The following RAP1GDS1 variants were observed in gnomAD, a reference collection of about 807,000 sequenced individuals.
RAP1GDS1 encodes RAP1, GTP-GDP dissociation stimulator 1.
Under a neutral mutation model 71.1 loss-of-function variants are expected in RAP1GDS1, and 35 were observed. The ratio of observed to expected loss-of-function variants is 0.49; its 90% CI spans 0.38 to 0.65. RAP1GDS1 has a LOEUF of 0.65. Ranked by LOEUF, RAP1GDS1 falls within the 30% of genes least tolerant of loss-of-function variation. RAP1GDS1 has a pLI of 0.00. For synonymous variants in RAP1GDS1, 229 were observed against 243.1 expected (o/e 0.94, Z 0.54); for missense variants, 663 against 706.1 (o/e 0.94, Z 0.69).
At chr4:98,347,982 A>ATTC (rs1385646344) in intron 3 of RAP1GDS1, among the ~76,000 whole-genome samples, 24 of 152,092 alleles carry the variant, frequency 1.6e-4, no homozygotes, top group Admixed American at 1.4e-3. Context: ...TATTATTATT[A>ATTC]TTCTTTAAGT....
rs1751978868 is a variant in RAP1GDS1 at position 98,442,256 on chromosome 4, G to T, written c.*139G>T. ...AATACCAATTGAAGAACCGCTGTAG[G>T]TACCTCCCTAATAAGATTTCTAAAC... On this transcript the variant is annotated 3_prime_UTR_variant, in exon 15 of 15. Coordinates refer to ENST00000408927, the MANE Select transcript of RAP1GDS1 (RefSeq NM_001100427.2). 8.5e-7 allele frequency: 1 copy of T among 1,175,362 alleles called. No homozygotes were observed. Among genetic ancestry groups the T allele is most frequent in the South Asian group, 1.8e-5 (1 of 55,970 alleles). The allele number at this position is 1,175,362 out of a possible 1,614,324, so 72.8% of individuals were successfully genotyped here.
intron 7 of RAP1GDS1, among the ~76,000 whole-genome samples, chr4:98,415,382 C>T (rs1747795804): frequency 6.6e-6 from 1 of 152,186 alleles, no homozygotes; most frequent in African/African-American, 2.4e-5. Flanking sequence ...ACATTCTCAG[C>T]TTACAAAGAT....
intron 4 of RAP1GDS1, among the ~76,000 whole-genome samples, chr4:98,365,910 G>A (rs1232924025): frequency 1.3e-5 from 2 of 152,218 alleles, no homozygotes; most frequent in Admixed American, 1.3e-4. Context: ...ATGTCCATGA[G>A]CAGCCAAAAA....
intron 12 of RAP1GDS1, among the ~76,000 whole-genome samples, chr4:98,425,352 A>G (rs1283675973): frequency 6.6e-6 from 1 of 152,214 alleles, no homozygotes; most frequent in Non-Finnish European, 1.5e-5. Context: ...TATACAGGCA[A>G]CAGATAGCAT....
rs534840850 is a variant in RAP1GDS1 at position 98,353,744 on chromosome 4, A to G, written c.361+1143A>G. 2.0e-5 allele frequency among the ~76,000 whole-genome samples: 3 copies of G among 152,302 alleles called. No individual in the cohort carries two copies. The South Asian group carries it at 6.2e-4, about 32-fold the overall frequency. ...CCCAGTATAGCCTGTAAATCTGCTT[A>G]TCTGCTCCTTCAATCCAGTTCTTTT... On this transcript the variant is annotated intron_variant, in intron 4 of 14. Transcript: ENST00000408927.
In RAP1GDS1 at chr4:98,386,084, G is replaced by A. The variant is rs189898629; in HGVS notation, c.509-5868G>A. Among the ~76,000 whole-genome samples, 13 of 150,956 alleles carry A rather than the reference G, an allele frequency of 8.6e-5. No individual in the cohort carries two copies. The East Asian group carries it at 1.7e-3, about 20-fold the overall frequency. ...AAAAAAAAAGACATTTAACTTAAAAGACCAGTTTTTTTCTGAGATGAAAGC... is the reference window on the plus strand; with the variant it reads ...AAAAAAAAAGACATTTAACTTAAAAAACCAGTTTTTTTCTGAGATGAAAGC... On this transcript the variant is annotated intron_variant, in intron 5 of 14. Transcript: ENST00000408927.
chr4:98,394,040 G>A (rs1744145690), intron 6 of RAP1GDS1, among the ~76,000 whole-genome samples: 1 of 152,092 alleles, frequency 6.6e-6, no homozygotes, highest in South Asian at 2.1e-4. Context: ...AGTTTTAGGA[G>A]AGTACATAGA....
At chr4:98,283,417 A>T (rs1725473405) in intron 1 of RAP1GDS1, among the ~76,000 whole-genome samples, 1 of 146,470 alleles carries the variant, frequency 6.8e-6, no homozygotes. Flanking sequence ...ACAAAGCACC[A>T]TCAGTCAAAT....
chr4:98,287,418 GA>G (rs1055502672), intron 1 of RAP1GDS1, among the ~76,000 whole-genome samples: 36 of 152,178 alleles, frequency 2.4e-4, no homozygotes, highest in African/African-American at 7.9e-4. Context: ...TATATTTTAT[GA>G]AATCTTGTAA....
rs1332210123 is a variant in RAP1GDS1, at chr4:98,418,654, C to G, written c.1040-3C>G. 1 of 1,555,150 alleles carries G rather than the reference C, an allele frequency of 6.4e-7. No individual in the cohort carries two copies. The highest frequency in any genetic ancestry group is 1.2e-5 in the South Asian group (1 of 81,626). The stretch of plus-strand genomic sequence containing the variant: ...AGAAAAAGATGTGTGTTTTTTTTTT[C>G]AGATGCAAATTGTATTCATATGGTA... On this transcript the variant is annotated splice_polypyrimidine_tract_variant and splice_region_variant and intron_variant, in intron 9 of 14. Coordinates refer to ENST00000408927, the MANE Select transcript of RAP1GDS1 (RefSeq NM_001100427.2).
chr4:98,352,544 G>A lies in RAP1GDS1; in HGVS notation c.304G>A (p.Asp102Asn), dbSNP rs762407993. The change falls in exon 4 of 15, where the codon GAC (aspartate) becomes AAC (asparagine). Residue 102 changes from aspartate (D) to asparagine (N), a missense_variant. Physicochemically the swap from Asp to Asn is conservative, Grantham distance 23 (BLOSUM62 1). Coordinates refer to ENST00000408927, the MANE Select transcript of RAP1GDS1 (RefSeq NM_001100427.2). ...SPLVQLLNSKDQEVLLQTGRA... is the reference protein window; with the variant it reads ...SPLVQLLNSKNQEVLLQTGRA... ...ACTGGTGCAGCTGCTAAATAGCAAA[G>A]ACCAGGAAGTGCTGCTTCAAACGGG... is the stretch of plus-strand genomic sequence containing the variant. The A allele has an allele frequency of 6.2e-7, 1 of 1,614,086 alleles. No individual in the cohort carries two copies. The highest frequency in any genetic ancestry group is 8.5e-7 in the Non-Finnish European group (1 of 1,179,960).
At chr4:98,392,984 CTT>C (rs1410010077) in intron 6 of RAP1GDS1, among the ~76,000 whole-genome samples, 1 of 152,114 alleles carries the variant, frequency 6.6e-6, no homozygotes, top group Non-Finnish European at 1.5e-5. Flanking sequence ...TCATTTTTCT[CTT>C]TGTTATGGAT....
chr4:98,394,759 G>T (rs1744267547), intron 6 of RAP1GDS1, among the ~76,000 whole-genome samples: 1 of 152,090 alleles, frequency 6.6e-6, no homozygotes, highest in Non-Finnish European at 1.5e-5. Flanking sequence ...ACTTCAATAT[G>T]TAAATATTGG....
In RAP1GDS1 at chr4:98,418,145, CCTT is replaced by C. The variant is rs1484897844; in HGVS notation, c.1040-508_1040-506del. Among the ~76,000 whole-genome samples, 6 of 152,090 alleles carry C rather than the reference CCTT, an allele frequency of 3.9e-5. No individual in the cohort carries two copies. In the East Asian group the frequency reaches 5.8e-4, roughly 15 times the overall value. Reference sequence around the variant, plus strand: ...ATGGCTTACTTGCTCCATTTTTACTCCTTCTTTTTGGGAGTGACTTCCTAATTA... The same window carrying C: ...ATGGCTTACTTGCTCCATTTTTACTCCTTTTTGGGAGTGACTTCCTAATTA... On this transcript the variant is annotated intron_variant, in intron 9 of 14. Coordinates refer to ENST00000408927, the MANE Select transcript of RAP1GDS1 (RefSeq NM_001100427.2).
chr4:98,292,665 T>G (rs1262415679), intron 1 of RAP1GDS1, among the ~76,000 whole-genome samples: 1 of 152,184 alleles, frequency 6.6e-6, no homozygotes, highest in East Asian at 1.9e-4. Flanking sequence ...TGCAGTAGGT[T>G]TATAATTGTT....
intron 3 of RAP1GDS1, among the ~76,000 whole-genome samples, chr4:98,343,615 G>A (rs1354972308): frequency 6.6e-6 from 1 of 151,994 alleles, no homozygotes; most frequent in Non-Finnish European, 1.5e-5. Context: ...ATGTTTGTTT[G>A]TGTTATACCC....
At chr4:98,352,650 T>C in intron 4 of RAP1GDS1, 49 bp downstream of exon 4, 1 of 1,591,960 alleles carries the variant, frequency 6.3e-7, no homozygotes, top group Non-Finnish European at 8.6e-7. Flanking sequence ...AGAATTATGA[T>C]ATTCAGACTA....
chr4:98,441,209 TA>T, intron 14 of RAP1GDS1: 1 of 439,406 alleles, frequency 2.3e-6, no homozygotes, highest in Non-Finnish European at 3.0e-6. Flanking sequence ...CATATCAAAA[TA>T]AACACATCAG....
At chr4:98,416,987 TC>T in intron 8 of RAP1GDS1, 99 bp downstream of exon 8, 1 of 1,338,534 alleles carries the variant, frequency 7.5e-7, no homozygotes, top group Admixed American at 2.1e-5. Context: ...TTTCTCATAT[TC>T]CTATCTCACC....
Sources: gnomAD v4.1 joint callset for allele counts (sites outside exome capture counted in the v4.1 genomes callset) on GRCh38, gnomAD v4.1.1 for gene constraint, MANE v1.5 for transcripts, NCBI Gene and HGNC (gene_info 2026-07-23, HGNC 2026-07-21) for gene names.